The following DNAH3 variants were observed in gnomAD, a reference collection of about 807,000 sequenced individuals.
DNAH3 encodes the protein axonemal beta dynein heavy chain 3.
Under a neutral mutation model 432.5 loss-of-function variants are expected in DNAH3, and 332 were observed. The observed-to-expected ratio is 0.77, with a 90% CI of 0.70 to 0.84. The LOEUF (loss-of-function observed/expected upper bound fraction) is 0.84. Among genes scored for constraint, DNAH3 ranks in the 40% least tolerant of loss-of-function variants. The pLI is 0.00. For missense variants in DNAH3, 4,861 were observed against 5,114.0 expected, an observed-to-expected ratio of 0.95 and a Z score of 1.51; for synonymous variants, 1,956 against 1,900.2, an observed-to-expected ratio of 1.03 and a Z score of -0.76.
At chr16:21,115,357 G>A (rs142069120) in intron 12 of DNAH3, among the ~76,000 whole-genome samples, 5,877 of 148,338 alleles carry the variant, frequency 0.04, 388 homozygotes, top group African/African-American at 0.14. Context: ...AAACCTGCAC[G>A]TTGTGCACAT....
intron 49 of DNAH3, among the ~76,000 whole-genome samples, chr16:20,980,288 A>AATATACATCATATATTATC (rs2152658682): frequency 1.6e-5 from 2 of 124,120 alleles, no homozygotes; most frequent in Admixed American, 1.6e-4. Flanking sequence ...CATATATTAT[A>AATATACATCATATATTATC]ATATACATCA....
At chr16:21,072,703 T>A (rs185126721) in intron 21 of DNAH3, among the ~76,000 whole-genome samples, 8 of 152,048 alleles carry the variant, frequency 5.3e-5, no homozygotes, top group Admixed American at 2.0e-4. Flanking sequence ...TGGAGTGTAA[T>A]ATTGCAATCA....
intron 51 of DNAH3, among the ~76,000 whole-genome samples, chr16:20,970,274 CAGCACTTTGGG>C (rs2085278423): frequency 6.6e-6 from 1 of 152,196 alleles, no homozygotes. Flanking sequence ...CCTGTAATCC[CAGCACTTTGGG>C]AGGCCAACGT....
chr16:21,073,554 T>C (rs186204331), intron 21 of DNAH3, among the ~76,000 whole-genome samples: 2 of 152,264 alleles, frequency 1.3e-5, no homozygotes, highest in East Asian at 1.9e-4. Flanking sequence ...CCCCGAAGCA[T>C]TGCACCTTGA....
At chr16:21,134,412 A>G in exon 7 of DNAH3, 1 of 1,614,192 alleles carries the variant, frequency 6.2e-7, no homozygotes, top group East Asian at 2.2e-5. Context: ...GCTCTCAATA[A>G]AGAGCCGTTT....
At chr16:20,962,665 TC>T (rs557201501) in intron 53 of DNAH3, among the ~76,000 whole-genome samples, 1 of 152,198 alleles carries the variant, frequency 6.6e-6, no homozygotes, top group African/African-American at 2.4e-5. Flanking sequence ...TCTATTTTGT[TC>T]TTTTTTGGGG....
At chr16:20,988,034 G>A (rs754938462) in exon 45 of DNAH3, 13 of 1,614,002 alleles carry the variant, frequency 8.1e-6, no homozygotes, top group African/African-American at 6.7e-5. Context: ...AGGCATTGAT[G>A]GAAATGATAT....
exon 6 of DNAH3, chr16:21,136,502 G>A: frequency 1.9e-6 from 3 of 1,613,924 alleles, no homozygotes; most frequent in Non-Finnish European, 2.5e-6. Context: ...TGGTCAGATA[G>A]TAATAGTATC....
At chr16:21,073,387 A>C (rs572395103) in intron 21 of DNAH3, among the ~76,000 whole-genome samples, 2 of 152,256 alleles carry the variant, frequency 1.3e-5, no homozygotes, top group South Asian at 4.2e-4. Flanking sequence ...CCTCTATAGC[A>C]GTGTCTAATC....
intron 26 of DNAH3, among the ~76,000 whole-genome samples, chr16:21,059,733 C>T (rs1006288383): frequency 6.6e-5 from 10 of 151,196 alleles, no homozygotes; most frequent in Non-Finnish European, 1.3e-4. Context: ...CAAGATCGTA[C>T]CACTGCATTT....
At chr16:21,103,649 C>T (rs1463885538) in intron 16 of DNAH3, among the ~76,000 whole-genome samples, 2 of 152,202 alleles carry the variant, frequency 1.3e-5, no homozygotes, top group Non-Finnish European at 2.9e-5. Flanking sequence ...TCAGCCAAAA[C>T]TCTCCCATTT....
At chr16:21,069,697 C>T (rs2090711820) in intron 22 of DNAH3, 103 bp from the exon 23 acceptor site, 2 of 1,008,840 alleles carry the variant, frequency 2.0e-6, no homozygotes, top group Non-Finnish European at 2.9e-6. Context: ...TTCATTCATT[C>T]AGTCTGTCAC....
intron 34 of DNAH3, 96 bp downstream of exon 34, chr16:21,037,665 A>T: frequency 9.7e-7 from 1 of 1,033,118 alleles, no homozygotes; most frequent in Non-Finnish European, 1.4e-6. Flanking sequence ...CAAAGAATGG[A>T]AGATGGAAGA....
intron 44 of DNAH3, chr16:20,996,919 G>T: frequency 1.0e-5 from 2 of 192,644 alleles, no homozygotes; most frequent in Non-Finnish European, 2.1e-5. Flanking sequence ...TAGGCATTCT[G>T]TCTCTGGCAA....
Position 21,141,297 on chromosome 16 carries a change from T to C in DNAH3, c.521+3A>G. On this transcript the variant is annotated splice_donor_region_variant and intron_variant, in intron 4 of 61. Transcript: ENST00000261383. ...TTCTCTGGTGCCCACAGTGATATCT[T>C]ACCTAGTGGAATCCTCTTTGTTTCT... is the stretch of plus-strand genomic sequence containing the variant. The C allele has an allele frequency of 6.3e-7, 1 of 1,581,244 alleles. No homozygotes were observed. The highest frequency in any genetic ancestry group is 8.6e-7 in the Non-Finnish European group (1 of 1,159,620).
intron 59 of DNAH3, among the ~76,000 whole-genome samples, chr16:20,939,569 G>A (rs1001777749): frequency 2.0e-5 from 3 of 148,948 alleles, no homozygotes; most frequent in Non-Finnish European, 3.0e-5. Flanking sequence ...CCGAGATCGC[G>A]CCACTGCACT....
intron 51 of DNAH3, 100 bp from the exon 52 acceptor site, chr16:20,970,090 CT>C: frequency 6.3e-6 from 7 of 1,110,966 alleles, no homozygotes; most frequent in Non-Finnish European, 9.4e-6. Flanking sequence ...GGAAGAGGTG[CT>C]TCCTCTTCCA....
chr16:21,058,733 G>C (rs568955504), intron 26 of DNAH3, among the ~76,000 whole-genome samples: 1 of 152,106 alleles, frequency 6.6e-6, no homozygotes, highest in Non-Finnish European at 1.5e-5. Context: ...AAACTAACAC[G>C]GGAACAGAAA....
At chr16:21,062,723 C>G in intron 24 of DNAH3, 40 bp from the exon 25 acceptor site, 2 of 1,554,594 alleles carry the variant, frequency 1.3e-6, no homozygotes, top group Non-Finnish European at 1.8e-6. Flanking sequence ...GGAACCTCTT[C>G]CAAGAACTTT....
Sources: gnomAD v4.1 joint callset for allele counts (sites outside exome capture counted in the v4.1 genomes callset) on GRCh38, gnomAD v4.1.1 for gene constraint, MANE v1.5 for transcripts, NCBI Gene and HGNC (gene_info 2026-07-23, HGNC 2026-07-21) for gene names.